The following FILIP1 variants were observed in gnomAD, a reference collection of about 807,000 sequenced individuals.
FILIP1 encodes the protein filamin A interacting protein 1.
In FILIP1, 61 loss-of-function variants were observed where a neutral mutation model predicts 102.1. The observed-to-expected ratio is 0.60, with a 90% CI of 0.49 to 0.74. The LOEUF is 0.74. Ranked by LOEUF, FILIP1 falls within the 30% of genes least tolerant of loss-of-function variation. FILIP1 has a pLI of 0.00. For missense variants in FILIP1, 1,314 were observed against 1,441.2 expected (o/e 0.91, Z 1.43); for synonymous variants, 491 against 526.9 (o/e 0.93, Z 0.93).
At chr6:75,305,861 G>A (rs571359267), downstream of FILIP1, among the ~76,000 whole-genome samples, 5 of 152,232 alleles carry the variant, frequency 3.3e-5, no homozygotes, top group African/African-American at 1.2e-4. Flanking sequence ...AGATTTCAGG[G>A]TGGGGCCTGA....
At chr6:75,328,671 T>C (rs981424361) in intron 4 of FILIP1, among the ~76,000 whole-genome samples, 3 of 152,130 alleles carry the variant, frequency 2.0e-5, no homozygotes, top group African/African-American at 4.8e-5. Flanking sequence ...GTATTTTTAG[T>C]AGAGATGGGG....
intron 1 of FILIP1, among the ~76,000 whole-genome samples, chr6:75,491,845 C>A (rs1425334781): frequency 6.6e-6 from 1 of 152,188 alleles, no homozygotes. Flanking sequence ...GACTTTTACA[C>A]AGGGCCAAAT....
intron 1 of FILIP1, among the ~76,000 whole-genome samples, chr6:75,451,661 T>C (rs1000738866): frequency 6.6e-6 from 1 of 152,012 alleles, no homozygotes; most frequent in Non-Finnish European, 1.5e-5. Flanking sequence ...TGAAATCCTG[T>C]CCCTACTAAA....
intron 1 of FILIP1, among the ~76,000 whole-genome samples, chr6:75,483,265 A>G (rs1480058277): frequency 6.6e-6 from 1 of 152,236 alleles, no homozygotes; most frequent in East Asian, 1.9e-4. Context: ...TTCACAGGAC[A>G]GATCAGCTTG....
chr6:75,292,628 C>G (rs1425096192), exon 7 of FILIP1: 1 of 151,942 alleles, frequency 6.6e-6, no homozygotes, highest in East Asian at 1.9e-4. Flanking sequence ...TTTTCCTTTG[C>G]TTTGTGATTC....
At chr6:75,422,060 T>C (rs1052365970) in intron 1 of FILIP1, among the ~76,000 whole-genome samples, 3 of 152,162 alleles carry the variant, frequency 2.0e-5, no homozygotes, top group South Asian at 2.1e-4. Context: ...CTTTCAATTA[T>C]ACAAAAGAGA....
chr6:75,356,471 C>CTT (rs111902501), intron 3 of FILIP1, among the ~76,000 whole-genome samples: 1 of 142,906 alleles, frequency 7.0e-6, no homozygotes, highest in Non-Finnish European at 1.5e-5. Context: ...TTTTTGTAGT[C>CTT]TTTTTTTTTT....
In FILIP1 at chr6:75,314,558, A is replaced by C. The variant is rs762175679; in HGVS notation, c.1274T>G (p.Val425Gly). 1.2e-6 allele frequency: 2 copies of C among 1,613,826 alleles called. No homozygotes were observed. The highest frequency in any genetic ancestry group is 1.1e-5 in the South Asian group (1 of 91,016). The change falls in exon 5 of 6, where the codon GTT (valine) becomes GGT (glycine). Residue 425 changes from valine (V) to glycine (G), a missense_variant. Val to Gly is a moderately radical substitution (Grantham distance 109). Around this residue, in one of 3 missense-constraint regions of FILIP1, gnomAD observed 494 missense variants for 511.2 expected, o/e 0.97. Transcript: ENST00000237172. ...AGACATTCTCTTCTGTAGCTTCTCA[A>C]CTTCAAGTCTGAGCTCCTTACTATG... ...EHHSKELRLE[V>G]EKLQKRMSEL...
At chr6:75,350,548 G>C (rs531242425) in intron 4 of FILIP1, among the ~76,000 whole-genome samples, 2 of 152,156 alleles carry the variant, frequency 1.3e-5, no homozygotes, top group South Asian at 4.2e-4. Context: ...CATGAAGGTA[G>C]TAAATAAACA....
chr6:75,476,209 C>T (rs1015017063), intron 1 of FILIP1, among the ~76,000 whole-genome samples: 8 of 145,576 alleles, frequency 5.5e-5, no homozygotes, highest in Non-Finnish European at 1.2e-4. Context: ...CCACTGCACT[C>T]GAGCCTGGGC....
chr6:75,336,327 T>C (rs1039344424), intron 4 of FILIP1, among the ~76,000 whole-genome samples: 1 of 152,174 alleles, frequency 6.6e-6, no homozygotes, highest in Non-Finnish European at 1.5e-5. Context: ...ATATGGGTTT[T>C]AACTTACAGG....
chr6:75,329,956 C>T (rs1774016825), intron 4 of FILIP1, among the ~76,000 whole-genome samples: 1 of 152,122 alleles, frequency 6.6e-6, no homozygotes, highest in East Asian at 1.9e-4. Context: ...AATAAATTAC[C>T]TCATTTCCTC....
intron 1 of FILIP1, among the ~76,000 whole-genome samples, chr6:75,433,375 G>A (rs1777894628): frequency 6.6e-6 from 1 of 152,148 alleles, no homozygotes. Flanking sequence ...CATTCTAACT[G>A]GTGTGAGATG....
chr6:75,424,967 A>G (rs1487791395), intron 1 of FILIP1, among the ~76,000 whole-genome samples: 2 of 152,176 alleles, frequency 1.3e-5, no homozygotes, highest in African/African-American at 4.8e-5. Context: ...ACATAAAAGA[A>G]TAACTTAAAA....
intron 3 of FILIP1, among the ~76,000 whole-genome samples, chr6:75,359,847 G>T (rs1303869623): frequency 6.6e-6 from 1 of 152,158 alleles, no homozygotes; most frequent in Non-Finnish European, 1.5e-5. Context: ...ACCCTCTAAA[G>T]CGATGGGCTT....
chr6:75,479,868 CAAAAAAAAAA>C (rs58566488), intron 1 of FILIP1, among the ~76,000 whole-genome samples: 2 of 42,852 alleles, frequency 4.7e-5, no homozygotes, highest in African/African-American at 9.8e-5. Flanking sequence ...AGCTGTATCT[CAAAAAAAAAA>C]AAAAAAAAAA....
rs775728531 is a variant in FILIP1, at chr6:75,414,810, C to A, written c.163G>T (p.Val55Phe). The stretch of plus-strand genomic sequence containing the variant: ...CCAGATGTTTTTAGGTGTCGTTTGA[C>A]AGTTCCTGAGGCCATGACATCATCC... ...KEDDVMASGTVKRHLKTSGEC... is the reference protein window; with the variant it reads ...KEDDVMASGTFKRHLKTSGEC... The change falls in exon 2 of 6, where the codon GTC becomes TTC. Residue 55 changes from valine (V) to phenylalanine (F), a missense_variant. This residue lies in a region of FILIP1 where 494 missense variants were observed against 511.2 expected (regional missense o/e 0.97). Coordinates refer to ENST00000237172, the MANE Select transcript of FILIP1 (RefSeq NM_015687.5). The A allele has an allele frequency of 1.2e-6, 2 of 1,613,764 alleles. No homozygotes were observed. Among genetic ancestry groups the A allele is most frequent in the African/African-American group, 1.3e-5 (1 of 74,894 alleles).
chr6:75,317,834 A>G (rs1438587313), intron 4 of FILIP1, among the ~76,000 whole-genome samples: 1 of 152,142 alleles, frequency 6.6e-6, no homozygotes, highest in Non-Finnish European at 1.5e-5. Context: ...CCAGTTTCCC[A>G]GTTGGTACAG....
At chr6:75,293,978 A>C (rs1244930576) in exon 7 of FILIP1, 7 of 152,240 alleles carry the variant, frequency 4.6e-5, no homozygotes, top group Non-Finnish European at 7.3e-5. Flanking sequence ...AGTAACCAAA[A>C]TTCTGGAAGT....
Sources: gnomAD v4.1 joint callset for allele counts (sites outside exome capture counted in the v4.1 genomes callset) on GRCh38, gnomAD v4.1.1 for gene constraint, gnomAD v4.1.1 regional missense constraint, MANE v1.5 for transcripts, NCBI Gene and HGNC (gene_info 2026-07-23, HGNC 2026-07-21) for gene names.